The following MACROD2 variants were observed in gnomAD, a reference collection of about 807,000 sequenced individuals.
MACROD2 encodes mono-ADP ribosylhydrolase 2.
A neutral mutation model predicts 70.4 loss-of-function variants in MACROD2; 36 were observed. The observed-to-expected ratio is 0.51, with a 90% CI of 0.39 to 0.68. The LOEUF is 0.68. Among genes scored for constraint, MACROD2 ranks in the 30% least tolerant of loss-of-function variants. The pLI, the probability that MACROD2 is intolerant of heterozygous loss-of-function variation, is 0.00. For synonymous variants in MACROD2, 172 were observed against 178.8 expected (o/e 0.96, Z 0.30); for missense variants, 496 against 538.4 (o/e 0.92, Z 0.78).
At chr20:15,191,906 A>G (rs2076572872) in intron 5 of MACROD2, among the ~76,000 whole-genome samples, 1 of 119,722 alleles carries the variant, frequency 8.4e-6, no homozygotes, top group African/African-American at 3.1e-5. Flanking sequence ...TTAGAAAACT[A>G]CACATATGTG....
intron 9 of MACROD2, among the ~76,000 whole-genome samples, chr20:15,880,521 G>A (rs971911862): frequency 1.3e-5 from 2 of 151,832 alleles, no homozygotes; most frequent in African/African-American, 4.8e-5. Flanking sequence ...AAGAGCAGTA[G>A]GCAGTGAGGT....
At chr20:14,759,069 G>C (rs369367765) in intron 5 of MACROD2, among the ~76,000 whole-genome samples, 5 of 151,926 alleles carry the variant, frequency 3.3e-5, no homozygotes, top group African/African-American at 1.2e-4. Context: ...GCTGACTTGC[G>C]TGCCTTTTTG....
chr20:14,628,592 G>A (rs1984325204), intron 4 of MACROD2: 1 of 152,170 alleles, frequency 6.6e-6, no homozygotes, highest in Non-Finnish European at 1.5e-5. Context: ...AGTATTGCAG[G>A]AAGGCTGAGA....
intron 4 of MACROD2, among the ~76,000 whole-genome samples, chr20:14,512,378 A>G (rs2085041140): frequency 6.6e-6 from 1 of 152,112 alleles, no homozygotes; most frequent in Non-Finnish European, 1.5e-5. Context: ...TGTGCAGCTA[A>G]CAACCAAGGC....
chr20:15,738,302 C>T (rs1275325149), intron 8 of MACROD2, among the ~76,000 whole-genome samples: 4 of 151,820 alleles, frequency 2.6e-5, no homozygotes, highest in African/African-American at 4.8e-5. Context: ...TTACATATAC[C>T]CCGTAAATAA....
At position 14,462,687 on chromosome 20, in the gene MACROD2, A is replaced by G. The variant is rs2084386734; in HGVS notation, c.272-30792A>G. On this transcript the variant is annotated intron_variant, in intron 3 of 17. Coordinates refer to ENST00000684519, the MANE Select transcript of MACROD2 (RefSeq NM_001351661.2). ...TTTTAGATCTAACATGTAAGTCTTTAATCCATCTTGAATTAATTTTTGTAT... is the reference window on the plus strand; with the variant it reads ...TTTTAGATCTAACATGTAAGTCTTTGATCCATCTTGAATTAATTTTTGTAT... 2.6e-5 allele frequency among the ~76,000 whole-genome samples: 4 copies of G among 152,212 alleles called. No homozygotes were observed. The South Asian group carries it at 8.3e-4, about 32-fold the overall frequency.
At chr20:15,792,986 C>T (rs537904044) in intron 8 of MACROD2, among the ~76,000 whole-genome samples, 6 of 152,136 alleles carry the variant, frequency 3.9e-5, no homozygotes, top group Admixed American at 6.5e-5. Context: ...AAACATGAAG[C>T]GTATCTCTTA....
chr20:15,922,070 A>G (rs1007439165), intron 10 of MACROD2, among the ~76,000 whole-genome samples: 7 of 152,164 alleles, frequency 4.6e-5, no homozygotes, highest in Non-Finnish European at 8.8e-5. Context: ...TCCTGTTGAG[A>G]CCAGAAAAAG....
intron 3 of MACROD2, among the ~76,000 whole-genome samples, chr20:14,158,335 T>G (rs746573843): frequency 2.6e-5 from 4 of 152,176 alleles, no homozygotes; most frequent in Non-Finnish European, 5.9e-5. Flanking sequence ...TGCATATTAG[T>G]TCCTTGTTGA....
At chr20:15,340,110 TTTTCTTTC>T (rs1300054535) in intron 6 of MACROD2, among the ~76,000 whole-genome samples, 12 of 108,428 alleles carry the variant, frequency 1.1e-4, no homozygotes, top group East Asian at 6.2e-4. Context: ...TCTTTTTCTT[TTTTCTTTC>T]TTTCTTTCTT....
intron 2 of MACROD2, among the ~76,000 whole-genome samples, chr20:14,066,237 T>C (rs2053755546): frequency 6.6e-6 from 1 of 152,242 alleles, no homozygotes; most frequent in African/African-American, 2.4e-5. Flanking sequence ...AATTTGGACT[T>C]GTATAGAACA....
chr20:15,955,891 C>A (rs1568665917), intron 12 of MACROD2, among the ~76,000 whole-genome samples: 1 of 152,046 alleles, frequency 6.6e-6, no homozygotes, highest in Non-Finnish European at 1.5e-5. Context: ...GTGCAGCAAA[C>A]CACCATGGCA....
chr20:15,421,887 A>AT (rs2046233307), intron 6 of MACROD2, among the ~76,000 whole-genome samples: 2 of 152,206 alleles, frequency 1.3e-5, no homozygotes, highest in Admixed American at 1.3e-4. Flanking sequence ...AGGCTAAGCA[A>AT]TAGAGAGTAA....
intron 3 of MACROD2, among the ~76,000 whole-genome samples, chr20:14,177,063 A>C (rs1267250682): frequency 6.6e-6 from 1 of 152,206 alleles, no homozygotes; most frequent in African/African-American, 2.4e-5. Flanking sequence ...CTTTGTATAC[A>C]AACACTCAAC....
At position 16,019,965 on chromosome 20, in the gene MACROD2, C is replaced by T. The variant is rs1340956991; in HGVS notation, c.1154-21236C>T. 2.6e-5 allele frequency among the ~76,000 whole-genome samples: 4 copies of T among 152,170 alleles called. No homozygotes were observed. In the South Asian group the frequency reaches 6.2e-4, roughly 24 times the overall value. On this transcript the variant is annotated intron_variant, in intron 15 of 17. Coordinates refer to ENST00000684519, the MANE Select transcript of MACROD2 (RefSeq NM_001351661.2). ...AAGCCCTGACTGACTATCCAAGAAG[C>T]TGAGAAATAGCCCAGCTCTGTGCCC...
At chr20:14,849,750 C>T (rs1353565475) in intron 5 of MACROD2, among the ~76,000 whole-genome samples, 1 of 152,126 alleles carries the variant, frequency 6.6e-6, no homozygotes, top group African/African-American at 2.4e-5. Flanking sequence ...CAGTGCACTC[C>T]AACCTGGGTG....
At chr20:14,753,394 T>C (rs894238224) in intron 5 of MACROD2, among the ~76,000 whole-genome samples, 1 of 152,116 alleles carries the variant, frequency 6.6e-6, no homozygotes, top group Non-Finnish European at 1.5e-5. Context: ...ATATGTTCAA[T>C]ATATTTTCAA....
At chr20:15,654,612 G>C (rs1003776080) in intron 8 of MACROD2, among the ~76,000 whole-genome samples, 3 of 152,330 alleles carry the variant, frequency 2.0e-5, no homozygotes, top group Middle Eastern at 6.8e-3. Context: ...ATGATGGGAT[G>C]GGGGAGTGGG....
intron 5 of MACROD2, among the ~76,000 whole-genome samples, chr20:14,986,200 G>A (rs574474304): frequency 3.9e-5 from 6 of 152,260 alleles, no homozygotes; most frequent in Admixed American, 3.9e-4. Context: ...TAAAGGTTAA[G>A]CAAAAATTCT....
Sources: gnomAD v4.1 joint callset for allele counts (sites outside exome capture counted in the v4.1 genomes callset) on GRCh38, gnomAD v4.1.1 for gene constraint, MANE v1.5 for transcripts, NCBI Gene and HGNC (gene_info 2026-07-23, HGNC 2026-07-21) for gene names.